PCDHA13: variants seen among roughly 807,000 people sequenced by gnomAD.
PCDHA13 encodes protocadherin alpha-13.
Under a neutral mutation model 64.8 loss-of-function variants are expected in PCDHA13, and 54 were observed. That is an observed-to-expected ratio of 0.83 (90% CI 0.67 to 1.04). The LOEUF is 1.04. Among genes scored for constraint, PCDHA13 ranks in the 50% least tolerant of loss-of-function variants. The pLI, the probability that PCDHA13 is intolerant of heterozygous loss-of-function variation, is 0.00. For missense variants in PCDHA13, 1,248 were observed against 1,254.3 expected (o/e 0.99, Z 0.08); for synonymous variants, 587 against 564.4 (o/e 1.04, Z -0.57).
intron 1 of PCDHA13, among the ~76,000 whole-genome samples, chr5:140,924,669 C>T (rs2081944464): frequency 6.6e-6 from 1 of 151,998 alleles, no homozygotes; most frequent in African/African-American, 2.4e-5. Flanking sequence ...CCGAGGCAGG[C>T]CAATCACTTG....
In PCDHA13 at chr5:140,884,430, T is replaced by C; in HGVS notation, c.2162T>C (p.Leu721Pro). The C allele has an allele frequency of 1.9e-6, 3 of 1,613,922 alleles. No individual in the cohort carries two copies. Among genetic ancestry groups the C allele is most frequent in the Non-Finnish European group, 2.5e-6 (3 of 1,179,858 alleles). ...CTCACGTTGCTGCTGTATACTGCGC[T>C]GCGGTGCTCGGCACCGCCCACCGAG... ...LVLTLLLYTALRCSAPPTEGA... is the reference protein window; with the variant it reads ...LVLTLLLYTAPRCSAPPTEGA... The change falls in exon 1 of 4, where the codon CTG becomes CCG. Residue 721 changes from leucine to proline, a missense_variant. Leu to Pro is a moderately conservative substitution (Grantham distance 98). Coordinates refer to ENST00000289272, the MANE Select transcript of PCDHA13 (RefSeq NM_018904.3).
chr5:140,962,791 T>G (rs998586099), intron 1 of PCDHA13, among the ~76,000 whole-genome samples: 19 of 152,252 alleles, frequency 1.2e-4, no homozygotes, highest in Admixed American at 1.1e-3. Context: ...TAAAAACTAC[T>G]TTGGACAACT....
At position 140,963,092 on chromosome 5, in the gene PCDHA13, C is replaced by T. The variant is rs1202521389; in HGVS notation, c.2395-15857C>T. Among the ~76,000 whole-genome samples, 3 of 151,976 alleles carry T rather than the reference C, an allele frequency of 2.0e-5. No homozygotes were observed. The South Asian group carries it at 6.2e-4, about 32-fold the overall frequency. On this transcript the variant is annotated intron_variant, in intron 1 of 3. Transcript: ENST00000289272. Reference sequence around the variant, plus strand: ...GGAGACAGAAATATAAGACATGGCTCCTGCTTTCAGGTTGCTTATAATTAA... The same window carrying T: ...GGAGACAGAAATATAAGACATGGCTTCTGCTTTCAGGTTGCTTATAATTAA...
intron 1 of PCDHA13, among the ~76,000 whole-genome samples, chr5:140,941,301 TTTC>T (rs1554214297): frequency 1.4e-5 from 2 of 143,748 alleles, no homozygotes; most frequent in African/African-American, 2.6e-5. Flanking sequence ...TCTTTCTTTC[TTTC>T]TTTTTCTTCT....
chr5:140,988,075 A>G (rs139957067), intron 3 of PCDHA13, among the ~76,000 whole-genome samples: 4 of 152,258 alleles, frequency 2.6e-5, no homozygotes, highest in Non-Finnish European at 4.4e-5. Flanking sequence ...TTTCTATTTC[A>G]TGAGTGAGTG....
intron 1 of PCDHA13, among the ~76,000 whole-genome samples, chr5:140,898,159 G>A (rs377677002): frequency 1.3e-5 from 2 of 151,916 alleles, no homozygotes; most frequent in South Asian, 2.1e-4. Context: ...CGCTGATGGT[G>A]GTTTCTTTTG....
At chr5:140,989,296 G>A (rs1587341853) in intron 3 of PCDHA13, among the ~76,000 whole-genome samples, 1 of 152,128 alleles carries the variant, frequency 6.6e-6, no homozygotes, top group South Asian at 2.1e-4. Context: ...TGTCACAAAG[G>A]GCCAAGGAAG....
chr5:141,006,346 G>C (rs2098268580), intron 3 of PCDHA13, among the ~76,000 whole-genome samples: 1 of 151,806 alleles, frequency 6.6e-6, no homozygotes, highest in South Asian at 2.1e-4. Context: ...TGAGTAGCTG[G>C]GACTATAGGC....
intron 3 of PCDHA13, among the ~76,000 whole-genome samples, chr5:141,009,383 C>T (rs2098407441): frequency 6.6e-6 from 1 of 152,198 alleles, no homozygotes; most frequent in African/African-American, 2.4e-5. Flanking sequence ...TGATTGAGCA[C>T]AGGAGGTCGA....
intron 3 of PCDHA13, among the ~76,000 whole-genome samples, chr5:140,998,180 A>C (rs2097799784): frequency 6.6e-6 from 1 of 152,122 alleles, no homozygotes; most frequent in East Asian, 1.9e-4. Context: ...TATTCTAAGC[A>C]CTTTACAAGT....
intron 1 of PCDHA13, among the ~76,000 whole-genome samples, chr5:140,975,067 T>C (rs2096652705): frequency 6.6e-6 from 1 of 152,146 alleles, no homozygotes; most frequent in African/African-American, 2.4e-5. Flanking sequence ...TCGAGCTCAT[T>C]CAGATTGTTG....
chr5:140,894,941 C>T (rs2064738715), intron 1 of PCDHA13, among the ~76,000 whole-genome samples: 1 of 152,272 alleles, frequency 6.6e-6, no homozygotes, highest in East Asian at 1.9e-4. Context: ...CAGCTATTGT[C>T]ATGAAATGAT....
At chr5:140,925,526 CGAG>C (rs2082539432) in intron 1 of PCDHA13, among the ~76,000 whole-genome samples, 1 of 151,910 alleles carries the variant, frequency 6.6e-6, no homozygotes, top group South Asian at 2.1e-4. Flanking sequence ...AAATTAAAAG[CGAG>C]GAGAAATACC....
At chr5:140,924,901 A>AT (rs1554202312) in intron 1 of PCDHA13, among the ~76,000 whole-genome samples, 3 of 80,456 alleles carry the variant, frequency 3.7e-5, no homozygotes, top group African/African-American at 8.6e-5. Context: ...TCTCAAAAAA[A>AT]AAAATAAAAT....
intron 3 of PCDHA13, among the ~76,000 whole-genome samples, chr5:141,004,378 G>C (rs914260481): frequency 6.6e-6 from 1 of 152,316 alleles, no homozygotes; most frequent in South Asian, 2.1e-4. Context: ...TCTGCTCTGC[G>C]GAAGCTGGAC....
At chr5:140,926,183 C>A (rs1287609954) in intron 1 of PCDHA13, among the ~76,000 whole-genome samples, 2 of 151,712 alleles carry the variant, frequency 1.3e-5, no homozygotes, top group African/African-American at 4.8e-5. Context: ...GGAAAGCCCC[C>A]CGCAGCACTT....
chr5:140,906,238 C>T (rs1309828775), intron 1 of PCDHA13, among the ~76,000 whole-genome samples: 2 of 152,186 alleles, frequency 1.3e-5, no homozygotes, highest in Non-Finnish European at 2.9e-5. Flanking sequence ...CCCTTGTCAA[C>T]TTGAACCCAT....
intron 1 of PCDHA13, among the ~76,000 whole-genome samples, chr5:140,958,932 C>T (rs2095452700): frequency 8.5e-6 from 1 of 118,160 alleles, no homozygotes; most frequent in South Asian, 2.5e-4. Flanking sequence ...GTGGCTCATA[C>T]TTGTAATAAT....
intron 2 of PCDHA13, among the ~76,000 whole-genome samples, chr5:140,979,612 G>A (rs1223690856): frequency 6.6e-6 from 1 of 152,042 alleles, no homozygotes; most frequent in Admixed American, 6.6e-5. Flanking sequence ...CTAGAGTAAC[G>A]GTATTAGTCT....
Sources: gnomAD v4.1 joint callset for allele counts (sites outside exome capture counted in the v4.1 genomes callset) on GRCh38, gnomAD v4.1.1 for gene constraint, MANE v1.5 for transcripts, NCBI Gene and HGNC (gene_info 2026-07-23, HGNC 2026-07-21) for gene names.